The following PCDHA2 variants were observed in gnomAD, a reference collection of about 807,000 sequenced individuals.
PCDHA2 encodes the protein protocadherin alpha-2.
Under a neutral mutation model 66.0 loss-of-function variants are expected in PCDHA2, and 58 were observed. That is an observed-to-expected ratio of 0.88 (90% CI 0.71 to 1.09). The LOEUF (loss-of-function observed/expected upper bound fraction) is 1.09, where lower values mean the gene tolerates loss of function less well. Among genes scored for constraint, PCDHA2 ranks in the 50% least tolerant of loss-of-function variants. The pLI, the probability that PCDHA2 is intolerant of heterozygous loss-of-function variation, is 0.00. For synonymous variants in PCDHA2, 634 were observed against 554.0 expected, an observed-to-expected ratio of 1.14 and a Z score of -2.03; for missense variants, 1,267 against 1,242.3, an observed-to-expected ratio of 1.02 and a Z score of -0.30.
intron 1 of PCDHA2, among the ~76,000 whole-genome samples, chr5:140,846,947 G>T (rs772178263): frequency 6.7e-6 from 1 of 149,632 alleles, no homozygotes; most frequent in African/African-American, 2.4e-5. Flanking sequence ...ACTTGAAGGG[G>T]CATGGTGTGT....
At chr5:140,850,274 G>A in intron 1 of PCDHA2, 1 of 1,595,442 alleles carries the variant, frequency 6.3e-7, no homozygotes, top group Non-Finnish European at 8.6e-7. Context: ...TGGTGGGGAA[G>A]GTGCGCGCAG....
chr5:140,948,315 G>A (rs246048), intron 1 of PCDHA2, among the ~76,000 whole-genome samples: 85,363 of 151,182 alleles, frequency 0.56, 24,689 homozygotes, highest in African/African-American at 0.69. Context: ...TTCTTGAGGG[G>A]TAATGTTTTC....
intron 1 of PCDHA2, chr5:140,807,105 G>T: frequency 1.4e-6 from 2 of 1,454,342 alleles, no homozygotes; most frequent in Non-Finnish European, 1.9e-6. Flanking sequence ...GGAGGATGCA[G>T]CTGCACTTGA....
At chr5:140,886,101 A>G (rs1554182351) in intron 1 of PCDHA2, among the ~76,000 whole-genome samples, 1 of 152,228 alleles carries the variant, frequency 6.6e-6, no homozygotes, top group Admixed American at 6.5e-5. Context: ...ACATTGATAC[A>G]GTAAAGAAGT....
chr5:140,853,171 G>A lies in PCDHA2; in HGVS notation c.2388+55819G>A, dbSNP rs2150529478. On this transcript the variant is annotated intron_variant, in intron 1 of 3. Coordinates refer to ENST00000526136, the MANE Select transcript of PCDHA2 (RefSeq NM_018905.3). ...TGGGATTACAGGCGTGAGCCACCGC[G>A]CCTGGCCTAAAATGTGTTCTTTATT... 22 of 965,136 alleles carry A rather than the reference G, an allele frequency of 2.3e-5. 1 individual carries two copies. Among genetic ancestry groups the A allele is most frequent in the Non-Finnish European group, 2.4e-5 (19 of 799,766 alleles). 59.8% of individuals were successfully genotyped at this position (965,136 alleles called of 1,614,324 possible).
intron 1 of PCDHA2, chr5:140,808,862 A>G: frequency 6.2e-7 from 1 of 1,613,136 alleles, no homozygotes; most frequent in Non-Finnish European, 8.5e-7. Flanking sequence ...GCTGGACGAA[A>G]ACGACAACGC....
At chr5:140,937,198 C>T (rs2091402998) in intron 1 of PCDHA2, among the ~76,000 whole-genome samples, 1 of 151,908 alleles carries the variant, frequency 6.6e-6, no homozygotes, top group Non-Finnish European at 1.5e-5. Context: ...CCACCATGCC[C>T]GGCTAATTTT....
intron 1 of PCDHA2, among the ~76,000 whole-genome samples, chr5:140,937,729 G>A (rs1471512736): frequency 1.3e-5 from 2 of 151,886 alleles, no homozygotes; most frequent in African/African-American, 4.8e-5. Context: ...TGGCTAACAC[G>A]GTGAAACCCC....
rs2150250945 is a variant in PCDHA2 at position 140,836,022 on chromosome 5, A to G, written c.2388+38670A>G. 3.1e-6 allele frequency: 5 copies of G among 1,613,430 alleles called. No homozygotes were observed. In the South Asian group the frequency reaches 5.5e-5, roughly 18 times the overall value. On this transcript the variant is annotated intron_variant, in intron 1 of 3. Transcript: ENST00000526136. Reference sequence around the variant, plus strand: ...CGATGCGGGCGTGCCGCCTCTGGGCAGCAACGTGACGCTGCAGGTGTTCGT... The same window carrying G: ...CGATGCGGGCGTGCCGCCTCTGGGCGGCAACGTGACGCTGCAGGTGTTCGT...
chr5:140,899,249 G>A (rs1256693010), intron 1 of PCDHA2, among the ~76,000 whole-genome samples: 9 of 152,122 alleles, frequency 5.9e-5, no homozygotes, highest in African/African-American at 2.2e-4. Context: ...TGGTGAGAGA[G>A]GGCATCCCTG....
At chr5:140,969,141 G>T in intron 1 of PCDHA2, 1 of 1,614,158 alleles carries the variant, frequency 6.2e-7, no homozygotes, top group Non-Finnish European at 8.5e-7. Context: ...AAGACCTACT[G>T]CTACAAGGCC....
intron 1 of PCDHA2, chr5:140,867,368 C>A (rs1036514483): frequency 6.6e-6 from 1 of 151,940 alleles, no homozygotes; most frequent in African/African-American, 2.4e-5. Context: ...TTTACAGATG[C>A]GTAATGGAAT....
intron 1 of PCDHA2, among the ~76,000 whole-genome samples, chr5:140,945,166 T>C (rs145739178): frequency 2.6e-5 from 4 of 152,112 alleles, no homozygotes; most frequent in African/African-American, 9.6e-5. Context: ...TTGAACTATC[T>C]GAAAAATAAA....
At position 140,848,191 on chromosome 5, in the gene PCDHA2, G is replaced by A. The variant is rs1210714904; in HGVS notation, c.2388+50839G>A. On this transcript the variant is annotated intron_variant, in intron 1 of 3. Transcript: ENST00000526136. ...TCCAGCAAGAGAAACGGGATCTTCTGTTTCAACAATCATTACTTAAGAAAA... is the reference window on the plus strand; with the variant it reads ...TCCAGCAAGAGAAACGGGATCTTCTATTTCAACAATCATTACTTAAGAAAA... 1.3e-5 allele frequency: 4 copies of A among 297,926 alleles called. No homozygotes were observed. The East Asian group carries it at 2.5e-4, about 18-fold the overall frequency. The allele number at this position is 297,926 out of a possible 1,614,324, so 18.5% of individuals were successfully genotyped here.
intron 1 of PCDHA2, chr5:140,830,565 C>A: frequency 1.0e-6 from 1 of 976,906 alleles, no homozygotes; most frequent in South Asian, 3.1e-5. Context: ...TTCTATATTT[C>A]TGTTTTTAAT....
At chr5:140,916,321 C>T (rs1302078048) in intron 1 of PCDHA2, among the ~76,000 whole-genome samples, 1 of 152,160 alleles carries the variant, frequency 6.6e-6, no homozygotes, top group Non-Finnish European at 1.5e-5. Flanking sequence ...AGACAAAGTC[C>T]CCTTTACTTT....
At chr5:140,823,769 T>C (rs2150128956) in intron 1 of PCDHA2, 1 of 1,613,830 alleles carries the variant, frequency 6.2e-7, no homozygotes, top group Non-Finnish European at 8.5e-7. Flanking sequence ...GCCACAGTGC[T>C]GGTGTCGCTG....
intron 1 of PCDHA2, chr5:140,849,848 C>T (rs1554143388): frequency 6.3e-6 from 10 of 1,598,544 alleles, no homozygotes; most frequent in African/African-American, 4.0e-5. Context: ...TGAACGACAA[C>T]GCACCAGCGT....
intron 1 of PCDHA2, chr5:140,834,667 T>C (rs1773186748): frequency 5.0e-6 from 8 of 1,614,226 alleles, no homozygotes; most frequent in Non-Finnish European, 6.8e-6. Context: ...CGCGAGGAGC[T>C]GTGCGGGCGG....
Sources: allele counts gnomAD v4.1 joint callset (sites outside exome capture counted in the v4.1 genomes callset), GRCh38; gene constraint gnomAD v4.1.1; transcripts MANE v1.5; gene names NCBI Gene and HGNC (gene_info 2026-07-23, HGNC 2026-07-21).